The following TMPRSS4 variants were observed in gnomAD, a reference collection of about 807,000 sequenced individuals.
The protein encoded by TMPRSS4 is transmembrane serine protease 4, also known as transmembrane protease serine 4.
Under a neutral mutation model 56.4 loss-of-function variants are expected in TMPRSS4, and 45 were observed. The ratio of observed to expected loss-of-function variants is 0.80; its 90% CI spans 0.63 to 1.02. TMPRSS4 has a LOEUF of 1.02. TMPRSS4 is among the 50% of genes least tolerant of loss of function. TMPRSS4 has a pLI of 0.00. For missense variants in TMPRSS4, 546 were observed against 556.7 expected, an observed-to-expected ratio of 0.98 and a Z score of 0.19; for synonymous variants, 205 against 211.0, an observed-to-expected ratio of 0.97 and a Z score of 0.25.
Position 118,118,979 on chromosome 11 carries a change from C to T in TMPRSS4, c.*1066C>T. On this transcript the variant is annotated 3_prime_UTR_variant, in exon 13 of 13. Coordinates refer to ENST00000437212, the MANE Select transcript of TMPRSS4 (RefSeq NM_019894.4). ...CACTCAAAATGGTCAAAGAATTAAA[C>T]CCCATGGACTTTTTTGGCATCTGTA... 1 of 985,374 alleles carries T rather than the reference C, an allele frequency of 1.0e-6. No individual in the cohort carries two copies. Among genetic ancestry groups the T allele is most frequent in the Non-Finnish European group, 1.2e-6 (1 of 829,918 alleles). The allele number at this position is 985,374 out of a possible 1,614,324, so 61.0% of individuals were successfully genotyped here. A position where few individuals can be genotyped will look rare whatever the true frequency, so the allele number is the denominator to read the frequency against.
intron 4 of TMPRSS4, 139 bp downstream of exon 4, chr11:118,103,392 G>GTTTGTTTGTTTGTTTGT (rs779403118): frequency 1.8e-5 from 21 of 1,154,500 alleles, no homozygotes; most frequent in South Asian, 5.2e-5. Flanking sequence ...TTGTTTGTTT[G>GTTTGTTTGTTTGTTTGT]TTGTTGTTTT....
At position 118,117,998 on chromosome 11, in the gene TMPRSS4, G is replaced by A. The variant is rs1947652311; in HGVS notation, c.*85G>A. On this transcript the variant is annotated 3_prime_UTR_variant, in exon 13 of 13. Transcript: ENST00000437212. ...TCCCCCAAAGTCAGACACAGAGCAA[G>A]AGTCCCCTTGGGTACACCCCTCTGC... 5.0e-6 allele frequency: 8 copies of A among 1,609,116 alleles called. No homozygotes were observed. In the South Asian group the frequency reaches 6.6e-5, roughly 13 times the overall value.
intron 1 of TMPRSS4, among the ~76,000 whole-genome samples, chr11:118,083,223 A>T (rs1945290548): frequency 6.6e-6 from 1 of 152,200 alleles, no homozygotes; most frequent in Non-Finnish European, 1.5e-5. Context: ...CCAGGAGAAA[A>T]GACTTTCTGT....
rs1158975511 is a variant in TMPRSS4, at chr11:118,108,904, C to T, written c.583+8C>T. ...TCTCCCTGCACTGTCTTGGTGAGTA[C>T]CCCCAATCTCTGAGGGTTTGGGGCC... On this transcript the variant is annotated splice_region_variant and intron_variant, in intron 7 of 12. Coordinates refer to ENST00000437212, the MANE Select transcript of TMPRSS4 (RefSeq NM_019894.4). 2 of 1,613,578 alleles carry T rather than the reference C, an allele frequency of 1.2e-6. No homozygotes were observed. The highest frequency in any genetic ancestry group is 1.7e-6 in the Non-Finnish European group (2 of 1,179,718).
At chr11:118,096,478 G>C (rs1167379547) in intron 2 of TMPRSS4, among the ~76,000 whole-genome samples, 1 of 152,196 alleles carries the variant, frequency 6.6e-6, no homozygotes, top group Non-Finnish European at 1.5e-5. Context: ...AGAATAAAAT[G>C]TGACCTGTAA....
In TMPRSS4 at chr11:118,118,777, A is replaced by G. The variant is rs1947691578; in HGVS notation, c.*864A>G. 15 of 985,480 alleles carry G rather than the reference A, an allele frequency of 1.5e-5. No homozygotes were observed. The highest frequency in any genetic ancestry group is 1.8e-5 in the Non-Finnish European group (15 of 829,954). 61.0% of individuals were successfully genotyped at this position (985,480 alleles called of 1,614,324 possible). ...GATGAGTTAGGCAGTCAAGGGTGAC[A>G]TTCAATCAGGGATCCACAAGTGGCT... On this transcript the variant is annotated 3_prime_UTR_variant, in exon 13 of 13. Transcript: ENST00000437212.
Position 118,099,057 on chromosome 11 carries a change from C to T in TMPRSS4, c.116C>T (p.Ala39Val). 2 of 1,614,014 alleles carry T rather than the reference C, an allele frequency of 1.2e-6. No individual in the cohort carries two copies. Among genetic ancestry groups the T allele is most frequent in the Non-Finnish European group, 8.5e-7 (1 of 1,179,962 alleles). ...AAGGTGGGGATCCCCATCATCATAG[C>T]ACTACTGAGCCTGGCGAGTATCATC... Reference protein sequence around the residue: ...FRKVGIPIIIALLSLASIIIV... With the variant: ...FRKVGIPIIIVLLSLASIIIV... The change falls in exon 3 of 13, where the codon GCA becomes GTA. Residue 39 changes from alanine (A) to valine (V), a missense_variant. Transcript: ENST00000437212.
At chr11:118,107,719 T>C in intron 5 of TMPRSS4, 55 bp from the exon 6 acceptor site, 1 of 1,511,740 alleles carries the variant, frequency 6.6e-7, no homozygotes, top group Non-Finnish European at 9.1e-7. Context: ...CTCTACCATC[T>C]TGTTCTAACC....
chr11:118,108,578 C>G (rs1407287591), intron 6 of TMPRSS4: 2 of 477,736 alleles, frequency 4.2e-6, no homozygotes, highest in Non-Finnish European at 7.4e-6. Context: ...GTCCTCTTCC[C>G]TCTTGGGTCC....
At chr11:118,087,083 C>A (rs1260707331) in intron 1 of TMPRSS4, among the ~76,000 whole-genome samples, 2 of 151,944 alleles carry the variant, frequency 1.3e-5, no homozygotes, top group South Asian at 4.2e-4. Flanking sequence ...ACCTGTTTAT[C>A]CCATCACCTA....
intron 2 of TMPRSS4, among the ~76,000 whole-genome samples, chr11:118,095,973 A>T (rs1227105654): frequency 6.6e-6 from 1 of 152,194 alleles, no homozygotes; most frequent in Non-Finnish European, 1.5e-5. Context: ...TTCCTTCCTG[A>T]TGGGGGAAGC....
intron 5 of TMPRSS4, among the ~76,000 whole-genome samples, 181 bp downstream of exon 5, chr11:118,105,001 T>C (rs1946919335): frequency 6.6e-6 from 1 of 152,172 alleles, no homozygotes; most frequent in Non-Finnish European, 1.5e-5. Flanking sequence ...AGCCTCAGGT[T>C]CCTCAGGAGT....
At chr11:118,100,151 C>G (rs563586311) in intron 3 of TMPRSS4, among the ~76,000 whole-genome samples, 1 of 152,120 alleles carries the variant, frequency 6.6e-6, no homozygotes, top group Non-Finnish European at 1.5e-5. Flanking sequence ...CCTCAGTCTC[C>G]GCACCTGTAA....
At chr11:118,099,252 G>A (rs952188668) in intron 3 of TMPRSS4, 154 bp downstream of exon 3, 60 of 523,820 alleles carry the variant, frequency 1.1e-4, no homozygotes, top group Non-Finnish European at 1.9e-4. Flanking sequence ...CACCCACTCA[G>A]TAAGTGGCAG....
At chr11:118,090,690 A>C (rs1945880244) in intron 1 of TMPRSS4, among the ~76,000 whole-genome samples, 1 of 150,912 alleles carries the variant, frequency 6.6e-6, no homozygotes, top group South Asian at 2.1e-4. Flanking sequence ...AGGTGGGAGG[A>C]GCCCTTGAGC....
intron 3 of TMPRSS4, among the ~76,000 whole-genome samples, chr11:118,101,042 A>G (rs1213982535): frequency 6.6e-6 from 1 of 152,128 alleles, no homozygotes; most frequent in African/African-American, 2.4e-5. Flanking sequence ...CCAAAGAGCT[A>G]AGTAATATCT....
chr11:118,092,737 A>G (rs2135322292), intron 1 of TMPRSS4, among the ~76,000 whole-genome samples: 1 of 152,378 alleles, frequency 6.6e-6, no homozygotes, highest in South Asian at 2.1e-4. Flanking sequence ...TCCCAAAGTT[A>G]GTTCTGCCTA....
rs1204229556 is a variant in TMPRSS4 at position 118,077,192 on chromosome 11, A to T, written c.-111A>T. The T allele has an allele frequency of 5.0e-6, 7 of 1,408,008 alleles. No homozygotes were observed. The highest frequency in any genetic ancestry group is 2.9e-6 in the Non-Finnish European group (3 of 1,024,152). 87.2% of individuals were successfully genotyped at this position (1,408,008 alleles called of 1,614,324 possible). ...CTCCTCCAGCCAGTGCTGACCAGGG[A>T]CTTCTGACCTGCTGGCCAGCCAGGA... On this transcript the variant is annotated 5_prime_UTR_variant, in exon 1 of 13. Transcript: ENST00000437212.
rs1197549205 is a variant in TMPRSS4 at position 118,118,002 on chromosome 11, C to A, written c.*89C>A. On this transcript the variant is annotated 3_prime_UTR_variant, in exon 13 of 13. Coordinates refer to ENST00000437212, the MANE Select transcript of TMPRSS4 (RefSeq NM_019894.4). ...CCAAAGTCAGACACAGAGCAAGAGTCCCCTTGGGTACACCCCTCTGCCCAC... is the reference window on the plus strand; with the variant it reads ...CCAAAGTCAGACACAGAGCAAGAGTACCCTTGGGTACACCCCTCTGCCCAC... The A allele has an allele frequency of 3.1e-6, 5 of 1,607,978 alleles. No homozygotes were observed. Among genetic ancestry groups the A allele is most frequent in the Non-Finnish European group, 4.2e-6 (5 of 1,178,996 alleles).
Sources: allele counts gnomAD v4.1 joint callset (sites outside exome capture counted in the v4.1 genomes callset), GRCh38; gene constraint gnomAD v4.1.1; transcripts MANE v1.5; gene names NCBI Gene and HGNC (gene_info 2026-07-23, HGNC 2026-07-21).